Variants in LIN28B observed in about 807,000 individuals in gnomAD.
LIN28B encodes the protein protein lin-28 homolog B.
Under a neutral mutation model 21.9 loss-of-function variants are expected in LIN28B, and 5 were observed. The ratio of observed to expected loss-of-function variants is 0.23; its 90% confidence interval spans 0.12 to 0.48. The LOEUF is 0.48. Among genes scored for constraint, LIN28B ranks in the 20% least tolerant of loss-of-function variants. LIN28B has a pLI of 0.98. For synonymous variants in LIN28B, 109 were observed against 111.3 expected (o/e 0.98, Z 0.13); for missense variants, 245 against 310.5 (o/e 0.79, Z 1.58).
At chr6:104,992,723 T>C (rs1770517730) in intron 2 of LIN28B, among the ~76,000 whole-genome samples, 1 of 151,930 alleles carries the variant, frequency 6.6e-6, no homozygotes, top group Admixed American at 6.6e-5. Flanking sequence ...GTGCCCAGGC[T>C]GGTTTTGAAC....
upstream of LIN28B, among the ~76,000 whole-genome samples, chr6:104,954,058 T>C (rs1324069918): frequency 6.6e-6 from 1 of 152,092 alleles, no homozygotes; most frequent in South Asian, 2.1e-4. Flanking sequence ...CCTTGCTTTT[T>C]CCCCCCAGTA....
intron 3 of LIN28B, among the ~76,000 whole-genome samples, chr6:105,046,456 G>A (rs1242007383): frequency 3.3e-5 from 5 of 152,292 alleles, no homozygotes; most frequent in African/African-American, 1.2e-4. Context: ...TTGCTATTGT[G>A]AATAGTGCCA....
intron 2 of LIN28B, 106 bp downstream of exon 2, chr6:104,958,392 A>G: frequency 2.2e-6 from 2 of 905,856 alleles, no homozygotes; most frequent in Admixed American, 2.3e-5. Context: ...GTATATTGAA[A>G]GACAAAATCT....
rs1772491655 is a variant in LIN28B, at chr6:105,079,172, A to G, written c.*389A>G. The G allele has an allele frequency of 1.3e-5, 2 of 159,280 alleles. No homozygotes were observed. The highest frequency in any genetic ancestry group is 1.2e-4 in the Admixed American group (2 of 16,474). The allele number at this position is 159,280 out of a possible 1,614,324, so 9.9% of individuals were successfully genotyped here. A position where few individuals can be genotyped will look rare whatever the true frequency, so the allele number is the denominator to read the frequency against. On this transcript the variant is annotated 3_prime_UTR_variant, in exon 4 of 4. Coordinates refer to ENST00000345080, the MANE Select transcript of LIN28B (RefSeq NM_001004317.4). ...GGATATTTCCAAGAATTGAAAACCC[A>G]TGTGAAGCATTATAGATAGTTTTAA...
At chr6:105,063,522 G>A (rs550859114) in intron 3 of LIN28B, among the ~76,000 whole-genome samples, 6 of 151,622 alleles carry the variant, frequency 4.0e-5, no homozygotes, top group Non-Finnish European at 7.4e-5. Flanking sequence ...TGTAGTCCCA[G>A]CTACTCGAGA....
rs1260016769 is a variant in LIN28B at position 105,080,086 on chromosome 6, A to G, written c.*1303A>G. 7 of 152,462 alleles carry G rather than the reference A, an allele frequency of 4.6e-5. No individual in the cohort carries two copies. Among genetic ancestry groups the G allele is most frequent in the South Asian group, 2.1e-4 (1 of 4,824 alleles). The allele number at this position is 152,462 out of a possible 1,614,324, so 9.4% of individuals were successfully genotyped here. On this transcript the variant is annotated 3_prime_UTR_variant, in exon 4 of 4. Coordinates refer to ENST00000345080, the MANE Select transcript of LIN28B (RefSeq NM_001004317.4). ...TTCAATGCTTATTCTGAAGTAACCT[A>G]TATGGTGGATACAGGATGAACATTC...
At chr6:105,020,531 C>G (rs1201493711) in intron 2 of LIN28B, among the ~76,000 whole-genome samples, 1 of 151,924 alleles carries the variant, frequency 6.6e-6, no homozygotes, top group Admixed American at 6.6e-5. Flanking sequence ...GTTGCACAGG[C>G]TGGCCTAGAA....
rs1451059214 is a variant in LIN28B at position 104,991,112 on chromosome 6, C to T, written c.198+32826C>T. On this transcript the variant is annotated intron_variant, in intron 2 of 3. Coordinates refer to ENST00000345080, the MANE Select transcript of LIN28B (RefSeq NM_001004317.4). ...GACGGGGTGGCGGCGGGCAGAGGGG[C>T]TCCTCACTTCCCAGAAGGGGCGGCC... 4.6e-5 allele frequency among the ~76,000 whole-genome samples: 7 copies of T among 151,644 alleles called. No homozygotes were observed. In the East Asian group the frequency reaches 5.9e-4, roughly 13 times the overall value.
chr6:104,964,107 G>C (rs1258322893), intron 2 of LIN28B, among the ~76,000 whole-genome samples: 2 of 152,202 alleles, frequency 1.3e-5, no homozygotes, highest in Admixed American at 6.5e-5. Context: ...GAGATAGTTA[G>C]AAATATTACA....
intron 3 of LIN28B, among the ~76,000 whole-genome samples, chr6:105,037,638 A>G (rs1207271079): frequency 2.0e-5 from 3 of 150,954 alleles, no homozygotes; most frequent in Non-Finnish European, 4.4e-5. Context: ...TCAGCCTCCC[A>G]AGCAGCTGGG....
intron 2 of LIN28B, among the ~76,000 whole-genome samples, chr6:104,949,991 A>G (rs141718759): frequency 2.4e-4 from 36 of 152,296 alleles, no homozygotes; most frequent in African/African-American, 8.7e-4. Flanking sequence ...AACAGCCCCA[A>G]TATCTATTTT....
At chr6:105,043,573 A>AT (rs1394670968) in intron 3 of LIN28B, among the ~76,000 whole-genome samples, 1 of 148,796 alleles carries the variant, frequency 6.7e-6, no homozygotes, top group African/African-American at 2.5e-5. Flanking sequence ...TCTTTTGTTG[A>AT]TTTTTTTGTT....
At chr6:105,038,939 T>C (rs1031511925) in intron 3 of LIN28B, among the ~76,000 whole-genome samples, 2 of 152,178 alleles carry the variant, frequency 1.3e-5, no homozygotes, top group Admixed American at 6.5e-5. Flanking sequence ...TCCACAATAC[T>C]GATGGGATTC....
Position 105,079,038 on chromosome 6 carries a change from G to T in LIN28B, c.*255G>T. ...TGTGAGAGGGAGAGAGCCTGAGTCT[G>T]TGTGTGTACATGAGGATTTTTATAT... On this transcript the variant is annotated 3_prime_UTR_variant, in exon 4 of 4. Transcript: ENST00000345080. The T allele has an allele frequency of 2.5e-6, 1 of 403,080 alleles. No homozygotes were observed. The highest frequency in any genetic ancestry group is 4.5e-6 in the Non-Finnish European group (1 of 224,154). 25.0% of individuals were successfully genotyped at this position (403,080 alleles called of 1,614,324 possible).
At chr6:105,002,757 A>G (rs1004219748) in intron 2 of LIN28B, among the ~76,000 whole-genome samples, 5 of 152,222 alleles carry the variant, frequency 3.3e-5, no homozygotes, top group Non-Finnish European at 7.3e-5. Context: ...TGTTTTTTCA[A>G]GTTGGACAGA....
intron 2 of LIN28B, among the ~76,000 whole-genome samples, chr6:104,990,757 G>A (rs906188378): frequency 6.6e-6 from 1 of 151,982 alleles, no homozygotes; most frequent in African/African-American, 2.4e-5. Flanking sequence ...AGGGAGTGGT[G>A]ATGACTCTTA....
At chr6:104,959,444 A>T (rs935444749) in intron 2 of LIN28B, among the ~76,000 whole-genome samples, 3 of 152,182 alleles carry the variant, frequency 2.0e-5, no homozygotes, top group Admixed American at 1.3e-4. Context: ...AAGGAATATC[A>T]TCTTCAAATT....
chr6:104,956,137 C>A (rs545327442), upstream of LIN28B, among the ~76,000 whole-genome samples: 80 of 151,866 alleles, frequency 5.3e-4, no homozygotes, highest in Non-Finnish European at 5.9e-4. Flanking sequence ...CTCCACCCCA[C>A]CCCCTGCCCG....
At position 105,078,732 on chromosome 6, in the gene LIN28B, A is replaced by G. The variant is rs755171036; in HGVS notation, c.702A>G (p.Pro234=). Residue 234 remains proline, a synonymous_variant, in exon 4 of 4, where the codon CCA becomes CCG. Transcript: ENST00000345080. The stretch of plus-strand genomic sequence containing the variant: ...CCTCCACGAAGTCATCTATAGCACC[A>G]GAAGAGCAAAGCAAAAAGGGGCCTT... ...EASSTKSSIA[P]EEQSKKGPSV... 2.6e-5 allele frequency: 42 copies of G among 1,614,024 alleles called. No homozygotes were observed. The highest frequency in any genetic ancestry group is 3.3e-5 in the Non-Finnish European group (39 of 1,180,014).
Sources: gnomAD v4.1 joint callset for allele counts (sites outside exome capture counted in the v4.1 genomes callset) on GRCh38, gnomAD v4.1.1 for gene constraint, MANE v1.5 for transcripts, NCBI Gene and HGNC (gene_info 2026-07-23, HGNC 2026-07-21) for gene names.